Variants in HCN1 observed in about 807,000 individuals in gnomAD.
HCN1 encodes the protein potassium/sodium hyperpolarization-activated cyclic nucleotide-gated channel 1.
A neutral mutation model predicts 78.9 loss-of-function variants in HCN1; 13 were observed. The observed-to-expected ratio is 0.16, with a 90% CI of 0.11 to 0.26. The LOEUF (loss-of-function observed/expected upper bound fraction) is 0.26. HCN1 is among the 10% of genes least tolerant of loss of function. The probability of loss-of-function intolerance (pLI) is 1.00; values close to 1 mark genes in which losing one functional copy is unlikely to be tolerated. For synonymous variants in HCN1, 552 were observed against 455.5 expected, an observed-to-expected ratio of 1.21 and a Z score of -2.70; for missense variants, 810 against 1,154.3, an observed-to-expected ratio of 0.70 and a Z score of 4.32.
At chr5:45,467,624 G>A (rs1732257403) in intron 2 of HCN1, among the ~76,000 whole-genome samples, 2 of 151,994 alleles carry the variant, frequency 1.3e-5, no homozygotes, top group South Asian at 4.1e-4. Flanking sequence ...AACCTTAGTT[G>A]AGGCCCTCAG....
chr5:45,352,575 G>A (rs1286368156), intron 5 of HCN1, among the ~76,000 whole-genome samples: 2 of 151,882 alleles, frequency 1.3e-5, no homozygotes, highest in African/African-American at 4.8e-5. Context: ...AAGTTATTTT[G>A]GTCCAGGAGT....
intron 6 of HCN1, among the ~76,000 whole-genome samples, chr5:45,295,511 C>T (rs1003748148): frequency 1.3e-5 from 2 of 151,818 alleles, no homozygotes; most frequent in African/African-American, 4.8e-5. Flanking sequence ...AGTCACATGC[C>T]TCACCAAAAA....
chr5:45,671,130 G>A (rs1746142457), intron 1 of HCN1, among the ~76,000 whole-genome samples: 1 of 151,336 alleles, frequency 6.6e-6, no homozygotes. Flanking sequence ...TTTTCCATAT[G>A]CCTTCCTTAA....
intron 2 of HCN1, among the ~76,000 whole-genome samples, chr5:45,601,287 C>T (rs1744616754): frequency 6.6e-6 from 1 of 152,036 alleles, no homozygotes; most frequent in Non-Finnish European, 1.5e-5. Context: ...ACAGTAATTT[C>T]AACATCCTTT....
At chr5:45,651,497 CAAAT>C (rs1282768747) in intron 1 of HCN1, among the ~76,000 whole-genome samples, 4 of 151,840 alleles carry the variant, frequency 2.6e-5, no homozygotes, top group African/African-American at 4.8e-5. Context: ...CATAAATAAA[CAAAT>C]AAATAAGCAA....
chr5:45,582,432 G>C (rs1424739151), intron 2 of HCN1, among the ~76,000 whole-genome samples: 1 of 151,930 alleles, frequency 6.6e-6, no homozygotes, highest in Non-Finnish European at 1.5e-5. Context: ...TGAGATGATG[G>C]GGTTTTCTAG....
At chr5:45,490,559 T>C (rs1741860387) in intron 2 of HCN1, among the ~76,000 whole-genome samples, 1 of 152,152 alleles carries the variant, frequency 6.6e-6, no homozygotes, top group Admixed American at 6.6e-5. Flanking sequence ...AGTCAACCCT[T>C]ACCCATTAAC....
chr5:45,309,264 A>G (rs1745800025), intron 5 of HCN1, among the ~76,000 whole-genome samples: 1 of 152,066 alleles, frequency 6.6e-6, no homozygotes, highest in Admixed American at 6.6e-5. Context: ...AGGAAGCTTT[A>G]GGCTGTCATA....
chr5:45,655,051 T>C (rs1745740791), intron 1 of HCN1, among the ~76,000 whole-genome samples: 1 of 152,148 alleles, frequency 6.6e-6, no homozygotes, highest in Non-Finnish European at 1.5e-5. Context: ...ATTTGGATTA[T>C]TGTTCCAGTT....
At chr5:45,329,741 T>G (rs560557380) in intron 5 of HCN1, among the ~76,000 whole-genome samples, 1 of 151,500 alleles carries the variant, frequency 6.6e-6, no homozygotes, top group Admixed American at 6.6e-5. Context: ...TTATTTAAAT[T>G]TTCATATTTC....
At chr5:45,347,777 G>T (rs1457496676) in intron 5 of HCN1, among the ~76,000 whole-genome samples, 1 of 152,100 alleles carries the variant, frequency 6.6e-6, no homozygotes, top group African/African-American at 2.4e-5. Flanking sequence ...GATGGAAGAT[G>T]AAATGAATGA....
At chr5:45,588,998 G>A (rs928361306) in intron 2 of HCN1, among the ~76,000 whole-genome samples, 3 of 152,156 alleles carry the variant, frequency 2.0e-5, no homozygotes, top group Admixed American at 6.5e-5. Context: ...TAAGGTAGAG[G>A]AAATCAAGCT....
chr5:45,522,731 C>G (rs900394124), intron 2 of HCN1, among the ~76,000 whole-genome samples: 1 of 151,774 alleles, frequency 6.6e-6, no homozygotes, highest in Non-Finnish European at 1.5e-5. Flanking sequence ...AGACCAGGGG[C>G]TGGTCAACCA....
intron 2 of HCN1, among the ~76,000 whole-genome samples, chr5:45,555,227 T>C (rs964875865): frequency 3.3e-5 from 5 of 151,826 alleles, no homozygotes; most frequent in Non-Finnish European, 5.9e-5. Flanking sequence ...CAAAAATCAG[T>C]AGCATTTCTA....
intron 6 of HCN1, among the ~76,000 whole-genome samples, chr5:45,297,595 C>T (rs1419769109): frequency 2.0e-5 from 3 of 152,028 alleles, no homozygotes; most frequent in Non-Finnish European, 4.4e-5. Flanking sequence ...GCAGAAGGAG[C>T]ACTTTCAAAT....
At chr5:45,307,433 A>C (rs1745759144) in intron 5 of HCN1, among the ~76,000 whole-genome samples, 1 of 151,714 alleles carries the variant, frequency 6.6e-6, no homozygotes, top group Admixed American at 6.6e-5. Context: ...AACATGAAAA[A>C]CTCCACCTCA....
intron 2 of HCN1, among the ~76,000 whole-genome samples, chr5:45,564,193 A>G (rs758229190): frequency 2.7e-4 from 41 of 152,104 alleles, no homozygotes; most frequent in Admixed American, 6.5e-4. Flanking sequence ...CTGATACCTC[A>G]AAAACTTTGT....
intron 4 of HCN1, among the ~76,000 whole-genome samples, chr5:45,382,612 C>A (rs1441644695): frequency 6.6e-6 from 1 of 152,088 alleles, no homozygotes; most frequent in Non-Finnish European, 1.5e-5. Flanking sequence ...TACATGAAGA[C>A]AGTGGTCATA....
chr5:45,691,645 C>G (rs1739915221), intron 1 of HCN1, among the ~76,000 whole-genome samples: 1 of 152,260 alleles, frequency 6.6e-6, no homozygotes, highest in Admixed American at 6.5e-5. Context: ...GCATTGCTGG[C>G]AGATACAGAG....
Sources: gnomAD v4.1 joint callset for allele counts (sites outside exome capture counted in the v4.1 genomes callset) on GRCh38, gnomAD v4.1.1 for gene constraint, MANE v1.5 for transcripts, NCBI Gene and HGNC (gene_info 2026-07-23, HGNC 2026-07-21) for gene names.